Variants in SAMSN1 observed in about 807,000 individuals in gnomAD.
The protein encoded by SAMSN1 is SAM domain-containing protein SAMSN-1.
In SAMSN1, 31 loss-of-function variants were observed where a neutral mutation model predicts 42.0. The observed-to-expected ratio is 0.74, with a 90% CI of 0.55 to 1.00. The LOEUF is 1.00. Among genes scored for constraint, SAMSN1 ranks in the 50% least tolerant of loss-of-function variants. The pLI is 0.00. For missense variants in SAMSN1, 464 were observed against 439.4 expected (o/e 1.06, Z -0.50); for synonymous variants, 178 against 151.9 (o/e 1.17, Z -1.26).
At chr21:14,625,305 G>C (rs1333440248) in intron 2 of SAMSN1, among the ~76,000 whole-genome samples, 3 of 152,028 alleles carry the variant, frequency 2.0e-5, no homozygotes, top group African/African-American at 4.8e-5. Context: ...AAGAAATACA[G>C]GGTATTCAAT....
intron 2 of SAMSN1, among the ~76,000 whole-genome samples, chr21:14,626,263 G>T (rs1283655093): frequency 6.6e-6 from 1 of 152,160 alleles, no homozygotes; most frequent in African/African-American, 2.4e-5. Flanking sequence ...GGCAACAAAA[G>T]CCAAAATTGA....
intron 1 of SAMSN1, among the ~76,000 whole-genome samples, chr21:14,652,595 C>T (rs1983853467): frequency 6.6e-6 from 1 of 152,080 alleles, no homozygotes; most frequent in Admixed American, 6.6e-5. Context: ...TAGAAGAAAA[C>T]ATTAGGGAAA....
intron 2 of SAMSN1, among the ~76,000 whole-genome samples, chr21:14,625,172 T>C (rs1170403019): frequency 6.6e-6 from 1 of 152,092 alleles, no homozygotes; most frequent in Non-Finnish European, 1.5e-5. Flanking sequence ...GCCAATATCA[T>C]ACTGAATGGG....
chr21:14,643,275 A>T (rs1241364746), intron 1 of SAMSN1: 2 of 564,984 alleles, frequency 3.5e-6, no homozygotes, highest in Non-Finnish European at 6.3e-6. Context: ...CAGTATGCTA[A>T]CTTTCAACAG....
chr21:14,574,685 T>G (rs1981404215), intron 2 of SAMSN1, among the ~76,000 whole-genome samples: 1 of 152,160 alleles, frequency 6.6e-6, no homozygotes, highest in Non-Finnish European at 1.5e-5. Context: ...AGACTAATAC[T>G]TCACACTTAC....
chr21:14,655,929 T>C (rs1983907964), intron 1 of SAMSN1, among the ~76,000 whole-genome samples: 1 of 151,822 alleles, frequency 6.6e-6, no homozygotes, highest in Non-Finnish European at 1.5e-5. Flanking sequence ...TAATAATGTG[T>C]CTCTAAATCA....
chr21:14,490,011 A>C (rs1986616566), intron 7 of SAMSN1, among the ~76,000 whole-genome samples: 1 of 152,178 alleles, frequency 6.6e-6, no homozygotes, highest in Non-Finnish European at 1.5e-5. Context: ...TAAGAAGAGA[A>C]ATCTGCCCCA....
upstream of SAMSN1, among the ~76,000 whole-genome samples, chr21:14,587,269 A>T (rs1490338660): frequency 6.6e-6 from 1 of 152,050 alleles, no homozygotes; most frequent in Non-Finnish European, 1.5e-5. Context: ...CTTTAATTCT[A>T]TTAACTTCTC....
At chr21:14,490,949 T>G (rs550520298) in intron 7 of SAMSN1, among the ~76,000 whole-genome samples, 1 of 152,156 alleles carries the variant, frequency 6.6e-6, no homozygotes, top group African/African-American at 2.4e-5. Flanking sequence ...CTGGGCAATC[T>G]CATTAGACTG....
At chr21:14,625,767 G>C (rs1983150906) in intron 2 of SAMSN1, among the ~76,000 whole-genome samples, 1 of 152,088 alleles carries the variant, frequency 6.6e-6, no homozygotes, top group South Asian at 2.1e-4. Context: ...TCACAGAATT[G>C]GAAAAAACTA....
At position 14,579,329 on chromosome 21, in the gene SAMSN1, G is replaced by A. The variant is rs189270812; in HGVS notation, c.261+2807C>T. On this transcript the variant is annotated intron_variant, in intron 2 of 8. Transcript: ENST00000285670. ...TTCTGCAGATAAAACTCACTTAATC[G>A]TTAAGTTATATATTAAAATAGACAA... is the stretch of plus-strand genomic sequence containing the variant. 1.1e-4 allele frequency among the ~76,000 whole-genome samples: 17 copies of A among 152,074 alleles called. No homozygotes were observed. The East Asian group carries it at 1.2e-3, about 10-fold the overall frequency.
At chr21:14,520,408 A>G (rs1001274693) in intron 2 of SAMSN1, among the ~76,000 whole-genome samples, 2 of 152,248 alleles carry the variant, frequency 1.3e-5, no homozygotes, top group African/African-American at 4.8e-5. Flanking sequence ...ATGTATGTGT[A>G]TGTGTACATA....
intron 2 of SAMSN1, among the ~76,000 whole-genome samples, chr21:14,573,608 G>A (rs1981372566): frequency 6.6e-6 from 1 of 152,114 alleles, no homozygotes; most frequent in South Asian, 2.1e-4. Context: ...ACGGCCAACA[G>A]GCATCATCTG....
chr21:14,503,105 C>T (rs1260844179), intron 5 of SAMSN1, among the ~76,000 whole-genome samples: 2 of 152,112 alleles, frequency 1.3e-5, no homozygotes, highest in Non-Finnish European at 2.9e-5. Context: ...GGATATCACA[C>T]TCATGATTAT....
chr21:14,525,677 A>T (rs1260430894), intron 1 of SAMSN1, among the ~76,000 whole-genome samples: 1 of 152,210 alleles, frequency 6.6e-6, no homozygotes, highest in African/African-American at 2.4e-5. Flanking sequence ...TGCGGCTATG[A>T]GGAAGAAACA....
chr21:14,606,044 G>A (rs1982561001), intron 5 of SAMSN1, among the ~76,000 whole-genome samples: 1 of 151,988 alleles, frequency 6.6e-6, no homozygotes, highest in African/African-American at 2.4e-5. Flanking sequence ...GTTTCACTGT[G>A]TTAGCCAGGA....
At chr21:14,593,804 T>C in intron 7 of SAMSN1, 1 of 361,944 alleles carries the variant, frequency 2.8e-6, no homozygotes, top group South Asian at 1.2e-4. Context: ...CCTTTCCTTC[T>C]TTGAAGGAAA....
intron 1 of SAMSN1, among the ~76,000 whole-genome samples, chr21:14,537,224 C>G (rs530681288): frequency 7.2e-5 from 11 of 152,334 alleles, no homozygotes; most frequent in Middle Eastern, 6.8e-3. Context: ...ATTTCAAGGC[C>G]TTTGCACTTG....
intron 2 of SAMSN1, among the ~76,000 whole-genome samples, chr21:14,628,605 C>T (rs1983243461): frequency 6.6e-6 from 1 of 152,142 alleles, no homozygotes; most frequent in South Asian, 2.1e-4. Flanking sequence ...GTCCTACTGC[C>T]TTCCTCCATA....
Sources: gnomAD v4.1 joint callset for allele counts (sites outside exome capture counted in the v4.1 genomes callset) on GRCh38, gnomAD v4.1.1 for gene constraint, MANE v1.5 for transcripts, NCBI Gene and HGNC (gene_info 2026-07-23, HGNC 2026-07-21) for gene names.